Variants in MGAT4C observed in about 807,000 individuals in gnomAD.
The protein encoded by MGAT4C is MGAT4 family member C, also known as alpha-1,3-mannosyl-glycoprotein 4-beta-N-acetylglucosaminyltransferase C.
A neutral mutation model predicts 40.1 loss-of-function variants in MGAT4C; 19 were observed. The ratio of observed to expected loss-of-function variants is 0.47; its 90% CI spans 0.33 to 0.70. The LOEUF (loss-of-function observed/expected upper bound fraction) is 0.70, where lower values mean the gene tolerates loss of function less well. Ranked by LOEUF, MGAT4C falls within the 30% of genes least tolerant of loss-of-function variation. The probability of loss-of-function intolerance (pLI) is 0.02; values close to 1 mark genes in which losing one functional copy is unlikely to be tolerated. For synonymous variants in MGAT4C, 181 were observed against 187.1 expected, an observed-to-expected ratio of 0.97 and a Z score of 0.27; for missense variants, 491 against 563.2, an observed-to-expected ratio of 0.87 and a Z score of 1.30.
In MGAT4C at chr12:85,967,325, T is replaced by C. The variant is rs1383254802; in HGVS notation, c.*11964A>G. The C allele has an allele frequency of 6.6e-6, 1 of 152,158 alleles. No homozygotes were observed. Among genetic ancestry groups the C allele is most frequent in the African/African-American group, 2.4e-5 (1 of 41,444 alleles). 9.4% of individuals were successfully genotyped at this position (152,158 alleles called of 1,614,324 possible). On this transcript the variant is annotated 3_prime_UTR_variant, in exon 5 of 5. Coordinates refer to ENST00000611864, the MANE Select transcript of MGAT4C (RefSeq NM_001351288.2). ...ATGAAAAAAATGTTACTTTTTGTAT[T>C]AATCAGTGGAATGTTTAAAGAAAAA... is the stretch of plus-strand genomic sequence containing the variant.
intron 2 of MGAT4C, among the ~76,000 whole-genome samples, chr12:86,047,243 G>A (rs546043573): frequency 6.6e-6 from 1 of 152,032 alleles, no homozygotes; most frequent in South Asian, 2.1e-4. Context: ...GTGACTGTCC[G>A]CAAAATGTAA....
At chr12:86,102,118 T>C (rs1289034153) in intron 1 of MGAT4C, among the ~76,000 whole-genome samples, 1 of 151,964 alleles carries the variant, frequency 6.6e-6, no homozygotes, top group Non-Finnish European at 1.5e-5. Context: ...TCGCACTTCA[T>C]TAAAATATAA....
intron 4 of MGAT4C, among the ~76,000 whole-genome samples, chr12:86,308,094 T>C (rs1953984809): frequency 6.7e-6 from 1 of 149,974 alleles, no homozygotes; most frequent in South Asian, 2.1e-4. Context: ...ATTTGTATTA[T>C]TTAGATGTAC....
intron 1 of MGAT4C, among the ~76,000 whole-genome samples, chr12:86,211,723 A>G (rs1296246497): frequency 6.6e-6 from 1 of 151,822 alleles, no homozygotes; most frequent in Non-Finnish European, 1.5e-5. Context: ...TTCCCTTGCT[A>G]TTAGTACCCT....
chr12:86,283,938 C>A (rs775102331), intron 4 of MGAT4C, among the ~76,000 whole-genome samples: 1 of 152,102 alleles, frequency 6.6e-6, no homozygotes, highest in African/African-American at 2.4e-5. Context: ...ACAATTTGAT[C>A]CTCTGCTGCA....
intron 3 of MGAT4C, among the ~76,000 whole-genome samples, chr12:86,359,534 A>G (rs1955405216): frequency 6.6e-6 from 1 of 152,186 alleles, no homozygotes; most frequent in Admixed American, 6.5e-5. Flanking sequence ...AAATCAATGA[A>G]TCCATGAGCT....
At chr12:86,395,336 T>C (rs1004049905) in intron 3 of MGAT4C, among the ~76,000 whole-genome samples, 5 of 152,166 alleles carry the variant, frequency 3.3e-5, no homozygotes, top group African/African-American at 1.2e-4. Context: ...ATAATATTAT[T>C]CATGGTTTAC....
chr12:86,121,753 A>G (rs2135683124), intron 1 of MGAT4C, among the ~76,000 whole-genome samples: 1 of 152,334 alleles, frequency 6.6e-6, no homozygotes, highest in East Asian at 1.9e-4. Context: ...GGAAGCACTA[A>G]ACATGGAAAG....
At chr12:86,601,864 CT>C (rs1241823319) in intron 2 of MGAT4C, among the ~76,000 whole-genome samples, 3 of 152,170 alleles carry the variant, frequency 2.0e-5, no homozygotes, top group Non-Finnish European at 2.9e-5. Context: ...GGTCTGAAGC[CT>C]TTCTGGGAGT....
chr12:86,103,996 C>T (rs1424992547), intron 1 of MGAT4C, among the ~76,000 whole-genome samples: 1 of 151,946 alleles, frequency 6.6e-6, no homozygotes, highest in Non-Finnish European at 1.5e-5. Context: ...TTTTAAAAGA[C>T]CTCAAAAAGT....
At chr12:86,028,155 A>C in intron 2 of MGAT4C, 4 of 1,288,380 alleles carry the variant, frequency 3.1e-6, no homozygotes, top group Non-Finnish European at 3.0e-6. Context: ...TCTTTCTTAC[A>C]ACAAATCTGA....
rs2136634367 is a variant in MGAT4C, at chr12:85,956,825, AT to A, written c.*22463del. ...TTGAAGGTGACTCTGAATCAACAGA[AT>A]TTTATTTTTCTTTTACCGTGGCCCA... On this transcript the variant is annotated 3_prime_UTR_variant, in exon 5 of 5. Coordinates refer to ENST00000611864, the MANE Select transcript of MGAT4C (RefSeq NM_001351288.2). 6.6e-6 allele frequency: 1 copy of A among 152,322 alleles called. No individual in the cohort carries two copies. The highest frequency in any genetic ancestry group is 1.9e-4 in the East Asian group (1 of 5,184). The allele number at this position is 152,322 out of a possible 1,614,324, so 9.4% of individuals were successfully genotyped here.
intron 2 of MGAT4C, among the ~76,000 whole-genome samples, chr12:86,512,290 A>G (rs2136349460): frequency 6.6e-6 from 1 of 152,266 alleles, no homozygotes; most frequent in Middle Eastern, 3.4e-3. Context: ...AGACACTGAA[A>G]GCATTGTACA....
intron 2 of MGAT4C, among the ~76,000 whole-genome samples, chr12:86,043,435 C>G (rs781345744): frequency 2.6e-5 from 4 of 152,128 alleles, no homozygotes; most frequent in Non-Finnish European, 5.9e-5. Flanking sequence ...GTCCAATGTT[C>G]AAGGTCAGGA....
At chr12:86,094,743 G>GT (rs1024105191) in intron 1 of MGAT4C, among the ~76,000 whole-genome samples, 1 of 151,924 alleles carries the variant, frequency 6.6e-6, no homozygotes, top group African/African-American at 2.4e-5. Context: ...TGTGATTGCT[G>GT]TTTTTTTGCT....
intron 2 of MGAT4C, among the ~76,000 whole-genome samples, chr12:86,573,234 A>G (rs1183743120): frequency 1.3e-5 from 2 of 152,026 alleles, no homozygotes; most frequent in Admixed American, 6.6e-5. Flanking sequence ...TTTTGAAATA[A>G]TTATTTAAGG....
At chr12:86,669,790 T>C (rs1419717810) in intron 2 of MGAT4C, among the ~76,000 whole-genome samples, 1 of 152,240 alleles carries the variant, frequency 6.6e-6, no homozygotes, top group Non-Finnish European at 1.5e-5. Flanking sequence ...AGCAAAGAAC[T>C]GCTTACAGTA....
chr12:86,120,099 AT>A (rs1391421319), intron 1 of MGAT4C, among the ~76,000 whole-genome samples: 4 of 151,932 alleles, frequency 2.6e-5, no homozygotes, highest in Admixed American at 2.6e-4. Flanking sequence ...CAGTCTTATG[AT>A]TAAATATGTT....
intron 1 of MGAT4C, among the ~76,000 whole-genome samples, chr12:86,203,056 T>TG (rs1555246936): frequency 2.0e-4 from 26 of 131,144 alleles, no homozygotes; most frequent in East Asian, 6.7e-4. Flanking sequence ...GTGTGTGTGT[T>TG]TTTACATAGC....
Sources: gnomAD v4.1 joint callset for allele counts (sites outside exome capture counted in the v4.1 genomes callset) on GRCh38, gnomAD v4.1.1 for gene constraint, MANE v1.5 for transcripts, NCBI Gene and HGNC (gene_info 2026-07-23, HGNC 2026-07-21) for gene names.